The following ALPL variants were observed in gnomAD, a reference collection of about 807,000 sequenced individuals.
The protein encoded by ALPL is alkaline phosphatase, biomineralization associated.
ALPL carries 42 observed loss-of-function variants against 51.3 expected under a neutral mutation model. That is an observed-to-expected ratio of 0.82 (90% CI 0.64 to 1.06). The LOEUF (loss-of-function observed/expected upper bound fraction) is 1.06. ALPL is among the 50% of genes least tolerant of loss of function. The pLI is 0.00. For synonymous variants in ALPL, 279 were observed against 296.4 expected, an observed-to-expected ratio of 0.94 and a Z score of 0.60; for missense variants, 589 against 709.4, an observed-to-expected ratio of 0.83 and a Z score of 1.93.
chr1:21,547,087 C>T (rs377747358), intron 1 of ALPL, among the ~76,000 whole-genome samples: 5 of 152,346 alleles, frequency 3.3e-5, no homozygotes, highest in East Asian at 1.9e-4. Context: ...AACTCTGTCC[C>T]GTTCCCGACT....
chr1:21,548,315 G>T (rs1644278889), intron 1 of ALPL, among the ~76,000 whole-genome samples: 2 of 152,226 alleles, frequency 1.3e-5, no homozygotes, highest in South Asian at 4.1e-4. Context: ...GGTTCTGAAG[G>T]CTTTCCCAGG....
At chr1:21,533,014 A>G (rs10465542) in intron 1 of ALPL, among the ~76,000 whole-genome samples, 44,889 of 152,080 alleles carry the variant, frequency 0.3, 7,671 homozygotes, top group East Asian at 0.48. Flanking sequence ...TTGTGATACC[A>G]TGGTGGGGAG....
chr1:21,554,495 A>ATT (rs1162517040), intron 2 of ALPL, among the ~76,000 whole-genome samples: 1 of 137,450 alleles, frequency 7.3e-6, no homozygotes, highest in Non-Finnish European at 1.6e-5. Context: ...TTCTTTCTTA[A>ATT]TTTTTTTTTT....
intron 2 of ALPL, 113 bp downstream of exon 2, chr1:21,554,255 AAC>A: frequency 8.7e-7 from 1 of 1,148,842 alleles, no homozygotes; most frequent in South Asian, 1.3e-5. Flanking sequence ...AAGAGCTGAA[AAC>A]AGTGTTCAGA....
chr1:21,526,750 T>G (rs939534318), intron 1 of ALPL, among the ~76,000 whole-genome samples: 9 of 152,154 alleles, frequency 5.9e-5, no homozygotes, highest in Non-Finnish European at 1.0e-4. Flanking sequence ...GAAAAGAAAG[T>G]GTGTTTATGT....
chr1:21,521,559 A>C (rs1643883752), intron 1 of ALPL, among the ~76,000 whole-genome samples: 1 of 152,202 alleles, frequency 6.6e-6, no homozygotes, highest in African/African-American at 2.4e-5. Context: ...GAAGCCTGGG[A>C]GGGATGCCCC....
intron 9 of ALPL, among the ~76,000 whole-genome samples, chr1:21,574,935 CCAGG>C (rs1428408970): frequency 3.9e-5 from 6 of 152,234 alleles, no homozygotes; most frequent in Admixed American, 2.0e-4. Flanking sequence ...GGAGTGTCCA[CCAGG>C]CAGCGCCCTC....
In ALPL at chr1:21,577,758, C is replaced by CAAAGAAACAGGAAACCAAAGA. The variant is rs1644762877; in HGVS notation, c.*112_*113insAGAAACAGGAAACCAAAGAAA. On this transcript the variant is annotated 3_prime_UTR_variant, in exon 12 of 12. Transcript: ENST00000374840. ...GGGGCCTCCTCAGCCTCTGCAACTG[C>CAAAGAAACAGGAAACCAAAGA]AAGAAAGGGGACCCAAGAAACCAAA... The CAAAGAAACAGGAAACCAAAGA allele has an allele frequency of 2.9e-6, 4 of 1,401,412 alleles. No individual in the cohort carries two copies. In the Admixed American group the frequency reaches 7.0e-5, roughly 25 times the overall value. The allele number at this position is 1,401,412 out of a possible 1,614,324, so 86.8% of individuals were successfully genotyped here.
chr1:21,526,857 C>T (rs1225160585), intron 1 of ALPL, among the ~76,000 whole-genome samples: 4 of 152,090 alleles, frequency 2.6e-5, no homozygotes, highest in Admixed American at 2.6e-4. Flanking sequence ...CCTACAAAGA[C>T]AAGATTAGCA....
chr1:21,575,323 A>G (rs1444735045), intron 9 of ALPL, among the ~76,000 whole-genome samples: 1 of 152,166 alleles, frequency 6.6e-6, no homozygotes, highest in Admixed American at 6.5e-5. Flanking sequence ...ATTGCTGTTC[A>G]GGGGAAAAGA....
intron 2 of ALPL, among the ~76,000 whole-genome samples, chr1:21,558,634 G>A (rs569739734): frequency 2.6e-5 from 4 of 152,330 alleles, no homozygotes; most frequent in South Asian, 4.1e-4. Context: ...TGGGGACTGC[G>A]TGGGGACATC....
At chr1:21,522,227 A>G (rs1434516358) in intron 1 of ALPL, among the ~76,000 whole-genome samples, 1 of 151,778 alleles carries the variant, frequency 6.6e-6, no homozygotes, top group African/African-American at 2.4e-5. Context: ...ACACACCACC[A>G]CGCCCAGCTA....
intron 1 of ALPL, among the ~76,000 whole-genome samples, chr1:21,543,367 A>G (rs569986383): frequency 6.6e-6 from 1 of 152,238 alleles, no homozygotes; most frequent in African/African-American, 2.4e-5. Flanking sequence ...CGATATAGAC[A>G]GGGTAGGGAC....
intron 1 of ALPL, among the ~76,000 whole-genome samples, chr1:21,520,541 C>T (rs910931674): frequency 8.4e-5 from 12 of 142,198 alleles, no homozygotes; most frequent in African/African-American, 2.6e-4. Context: ...GATCTTGGCT[C>T]ACTGCAGCCT....
At chr1:21,525,881 C>T (rs760100927) in intron 1 of ALPL, among the ~76,000 whole-genome samples, 3 of 151,948 alleles carry the variant, frequency 2.0e-5, no homozygotes, top group East Asian at 2.0e-4. Flanking sequence ...CCAGCTACTC[C>T]GGAGGCTGAG....
chr1:21,566,886 C>T (rs1443276108), intron 6 of ALPL, among the ~76,000 whole-genome samples: 5 of 152,156 alleles, frequency 3.3e-5, no homozygotes, highest in Non-Finnish European at 5.9e-5. Context: ...CATGAGCCAC[C>T]GCGCCTGGCC....
At chr1:21,525,926 G>A (rs1379939373) in intron 1 of ALPL, among the ~76,000 whole-genome samples, 1 of 151,974 alleles carries the variant, frequency 6.6e-6, no homozygotes, top group Non-Finnish European at 1.5e-5. Context: ...AGGCAGAGGT[G>A]GCAGTGAGCC....
rs1240136266 is a variant in ALPL at position 21,577,684 on chromosome 1, G to T, written c.*36G>T. 6.9e-6 allele frequency: 11 copies of T among 1,583,694 alleles called. No homozygotes were observed. Among genetic ancestry groups the T allele is most frequent in the Non-Finnish European group, 9.4e-6 (11 of 1,172,526 alleles). Reference sequence around the variant, plus strand: ...CCCGGGCACCCACAAGCCCGTGACAGATGCCAACTTCCCACACGGCAGCCC... The same window carrying T: ...CCCGGGCACCCACAAGCCCGTGACATATGCCAACTTCCCACACGGCAGCCC... On this transcript the variant is annotated 3_prime_UTR_variant, in exon 12 of 12. Transcript: ENST00000374840.
In ALPL at chr1:21,522,779, G is replaced by A. The variant is rs189410502; in HGVS notation, c.-105+13262G>A. Among the ~76,000 whole-genome samples the A allele has an allele frequency of 3.9e-5, 6 of 152,298 alleles. No individual in the cohort carries two copies. The East Asian group carries it at 7.7e-4, about 20-fold the overall frequency. ...GCAGAAGCTGGCAGGAGGGAGCCCC[G>A]AATCTGCTGGAGGAAACTCGGTGCT... is the stretch of plus-strand genomic sequence containing the variant. On this transcript the variant is annotated intron_variant, in intron 1 of 11. Transcript: ENST00000374840.
Sources: allele counts gnomAD v4.1 joint callset (sites outside exome capture counted in the v4.1 genomes callset), GRCh38; gene constraint gnomAD v4.1.1; transcripts MANE v1.5; gene names NCBI Gene and HGNC (gene_info 2026-07-23, HGNC 2026-07-21).